Variants in TEX11 observed in about 807,000 individuals in gnomAD.
TEX11 encodes the protein testis expressed 11.
TEX11 carries 7 observed loss-of-function variants against 84.4 expected under a neutral mutation model. The observed-to-expected ratio is 0.08, with a 90% CI of 0.05 to 0.16. TEX11 has a LOEUF of 0.16. TEX11 is among the 10% of genes least tolerant of loss of function. TEX11 has a pLI of 1.00. For missense variants in TEX11, 551 were observed against 660.5 expected (o/e 0.83, Z 1.82); for synonymous variants, 264 against 222.8 (o/e 1.18, Z -1.64).
chrX:70,696,804 A>C (rs1199399438), intron 13 of TEX11, among the ~76,000 whole-genome samples: 1 of 111,114 alleles, frequency 9.0e-6, no homozygotes, highest in African/African-American at 3.3e-5. Flanking sequence ...CAACAAAAAA[A>C]CCCCAAAATA....
intron 25 of TEX11, among the ~76,000 whole-genome samples, chrX:70,555,208 C>T (rs1367621563): frequency 8.9e-6 from 1 of 111,965 alleles, no homozygotes; most frequent in Non-Finnish European, 1.9e-5. Context: ...AGATACAGTG[C>T]TGTATAAACC....
Position 70,819,415 on chromosome X carries a change from T to TA in TEX11, c.607-12626dup, listed in dbSNP as rs1215102236. ...ATTAAACTGAACACTCTCAACAAAA[T>TA]AGGTATACGAGGAACATAACTCAAT... On this transcript the variant is annotated intron_variant, in intron 8 of 29. Transcript: ENST00000374333. Among the ~76,000 whole-genome samples the TA allele has an allele frequency of 4.5e-5, 5 of 111,005 alleles. No individual in the cohort carries two copies. In the Admixed American group the frequency reaches 4.8e-4, roughly 11 times the overall value.
At chrX:70,779,364 G>A (rs1489280559) in intron 9 of TEX11, among the ~76,000 whole-genome samples, 1 of 99,407 alleles carries the variant, frequency 1.0e-5, no homozygotes, top group Non-Finnish European at 2.0e-5. Context: ...GCAGTGAGCT[G>A]AGATCATGCC....
At chrX:70,701,242 G>T (rs1644669050) in intron 13 of TEX11, among the ~76,000 whole-genome samples, 1 of 112,079 alleles carries the variant, frequency 8.9e-6, no homozygotes, top group Admixed American at 9.5e-5. Context: ...TCAATACCTG[G>T]CTTCAAAGCT....
At chrX:70,765,551 T>C (rs1490348420) in intron 9 of TEX11, among the ~76,000 whole-genome samples, 3 of 112,177 alleles carry the variant, frequency 2.7e-5, no homozygotes, top group Non-Finnish European at 5.6e-5. Context: ...ATCATTTCAA[T>C]TGATGCTGAA....
intron 4 of TEX11, among the ~76,000 whole-genome samples, chrX:70,869,036 G>GTAAAATAAAATAAAATAAAATAAAA (rs67299887): frequency 9.3e-5 from 5 of 53,765 alleles, no homozygotes; most frequent in South Asian, 1.1e-3. Flanking sequence ...AGAACTTAAA[G>GTAAAATAAAATAAAATAAAATAAAA]TAAAATAAAA....
rs2090469783 is a variant in TEX11, at chrX:70,714,061, T to C, written c.1004+8557A>G. Among the ~76,000 whole-genome samples the C allele has an allele frequency of 2.7e-5, 3 of 111,998 alleles. No individual in the cohort carries two copies. In the South Asian group the frequency reaches 1.1e-3, roughly 42 times the overall value. ...TATTTTGTTATGTACCCAGTAGTCA[T>C]TCAGGAGCAGGTTGTTCAGTTTCTG... On this transcript the variant is annotated intron_variant, in intron 13 of 29. Coordinates refer to ENST00000374333, the MANE Select transcript of TEX11 (RefSeq NM_031276.3).
chrX:70,622,502 T>C lies in TEX11; in HGVS notation c.1751+1448A>G, dbSNP rs186494332. On this transcript the variant is annotated intron_variant, in intron 20 of 29. Coordinates refer to ENST00000374333, the MANE Select transcript of TEX11 (RefSeq NM_031276.3). ...ATCTTTAAGTCCAGTGCTGGAGATATTATAAATAACTAATATTCAGTCATT... is the reference window on the plus strand; with the variant it reads ...ATCTTTAAGTCCAGTGCTGGAGATACTATAAATAACTAATATTCAGTCATT... Among the ~76,000 whole-genome samples, 86 of 112,135 alleles carry C rather than the reference T, an allele frequency of 7.7e-4. No homozygotes were observed. The East Asian group carries it at 0.022, about 28-fold the overall frequency.
chrX:70,604,482 C>G (rs1445703098), intron 24 of TEX11, among the ~76,000 whole-genome samples: 3 of 110,861 alleles, frequency 2.7e-5, no homozygotes, highest in Non-Finnish European at 5.7e-5. Flanking sequence ...ATCCCCAGTA[C>G]CTAGAAAAGT....
chrX:70,759,048 C>T (rs1156792403), intron 9 of TEX11, among the ~76,000 whole-genome samples: 1 of 111,566 alleles, frequency 9.0e-6, no homozygotes, highest in Non-Finnish European at 1.9e-5. Flanking sequence ...CACATAAACC[C>T]TCCCAAGACT....
chrX:70,669,123 A>G (rs73542918), intron 16 of TEX11, among the ~76,000 whole-genome samples: 3,142 of 111,835 alleles, frequency 0.028, 114 homozygotes, highest in African/African-American at 0.096. Context: ...AGTTGAAGGC[A>G]ACTATACTTT....
intron 2 of TEX11, among the ~76,000 whole-genome samples, chrX:70,881,539 T>G (rs1388641330): frequency 1.8e-5 from 2 of 110,752 alleles, no homozygotes; most frequent in African/African-American, 6.6e-5. Flanking sequence ...CTAAAAGATT[T>G]TTAAGCTGCT....
intron 5 of TEX11, among the ~76,000 whole-genome samples, chrX:70,856,709 A>G (rs1222999875): frequency 1.8e-5 from 2 of 111,384 alleles, no homozygotes; most frequent in Non-Finnish European, 3.8e-5. Flanking sequence ...TTCTAGATCT[A>G]ATTATCAGTT....
rs766994284 is a variant in TEX11 at position 70,905,968 on chromosome X, G to A, written c.37+1785C>T. Among the ~76,000 whole-genome samples the A allele has an allele frequency of 1.2e-4, 11 of 94,544 alleles. No individual in the cohort carries two copies. The East Asian group carries it at 3.1e-3, about 27-fold the overall frequency. 82.1% of individuals were successfully genotyped at this position (94,544 alleles called of 115,157 possible). Reference sequence around the variant, plus strand: ...CTCGAGAGGCTGAGGCAGGAGAATCGCTTGAACCTGGAAGGCAGAGGTTGC... The same window carrying A: ...CTCGAGAGGCTGAGGCAGGAGAATCACTTGAACCTGGAAGGCAGAGGTTGC... On this transcript the variant is annotated intron_variant, in intron 2 of 29. Coordinates refer to ENST00000374333, the MANE Select transcript of TEX11 (RefSeq NM_031276.3).
chrX:70,896,600 C>T (rs963170623), intron 2 of TEX11, among the ~76,000 whole-genome samples: 2 of 111,297 alleles, frequency 1.8e-5, no homozygotes, highest in African/African-American at 3.3e-5. Flanking sequence ...TTTACAATAG[C>T]GAAGACTTGG....
chrX:70,640,644 C>T (rs1385589476), intron 17 of TEX11, among the ~76,000 whole-genome samples: 1 of 108,192 alleles, frequency 9.2e-6, no homozygotes, highest in African/African-American at 3.4e-5. Context: ...AATTTTCAAC[C>T]CAGAATTTCA....
intron 25 of TEX11, among the ~76,000 whole-genome samples, chrX:70,590,737 T>C (rs2088917490): frequency 9.0e-6 from 1 of 111,684 alleles, no homozygotes; most frequent in Admixed American, 9.5e-5. Flanking sequence ...TATTTATTTG[T>C]GTATTTATGT....
At chrX:70,597,061 T>A (rs1467494925) in intron 24 of TEX11, among the ~76,000 whole-genome samples, 1 of 111,459 alleles carries the variant, frequency 9.0e-6, no homozygotes, top group Non-Finnish European at 1.9e-5. Context: ...TAAAACTGAC[T>A]CAAGAGGAAA....
intron 25 of TEX11, among the ~76,000 whole-genome samples, chrX:70,588,720 T>C (rs1266534470): frequency 8.9e-6 from 1 of 111,760 alleles, no homozygotes; most frequent in Non-Finnish European, 1.9e-5. Flanking sequence ...GAATACATTA[T>C]GCTAAGTGAA....
Sources: allele counts gnomAD v4.1 joint callset (sites outside exome capture counted in the v4.1 genomes callset), GRCh38; gene constraint gnomAD v4.1.1; transcripts MANE v1.5; gene names NCBI Gene and HGNC (gene_info 2026-07-23, HGNC 2026-07-21).